The following RBPMS variants were observed in gnomAD, a reference collection of about 807,000 sequenced individuals.
The protein encoded by RBPMS is RNA binding protein, mRNA processing factor.
In RBPMS, 7 loss-of-function variants were observed where a neutral mutation model predicts 26.8. The observed-to-expected ratio is 0.26, with a 90% CI of 0.15 to 0.49. RBPMS has a LOEUF of 0.49. Ranked by LOEUF, RBPMS falls within the 20% of genes least tolerant of loss-of-function variation. RBPMS has a pLI of 0.98. For missense variants in RBPMS, 186 were observed against 250.0 expected, an observed-to-expected ratio of 0.74 and a Z score of 1.73; for synonymous variants, 96 against 93.3, an observed-to-expected ratio of 1.03 and a Z score of -0.17.
intron 7 of RBPMS, chr8:30,561,889 C>T: frequency 2.0e-6 from 2 of 985,276 alleles, no homozygotes; most frequent in Non-Finnish European, 2.4e-6. Flanking sequence ...TGACAGAGAT[C>T]CTGGGTTTCA....
At chr8:30,455,557 G>A (rs554795874) in intron 1 of RBPMS, among the ~76,000 whole-genome samples, 48 of 152,284 alleles carry the variant, frequency 3.2e-4, no homozygotes, top group Non-Finnish European at 6.3e-4. Flanking sequence ...GCTTCTAAGA[G>A]TAGAAGAGAG....
At chr8:30,511,027 C>T (rs917390307) in intron 5 of RBPMS, among the ~76,000 whole-genome samples, 3 of 151,992 alleles carry the variant, frequency 2.0e-5, no homozygotes, top group African/African-American at 7.2e-5. Flanking sequence ...TGAAAAAAAT[C>T]AAGGCCAGGC....
At chr8:30,556,542 T>A (rs1337860928) in intron 6 of RBPMS, 2 of 986,486 alleles carry the variant, frequency 2.0e-6, no homozygotes, top group East Asian at 2.3e-4. Context: ...CACCGTCACG[T>A]CTTGGCCTCG....
chr8:30,549,387 G>A (rs1304323582), intron 6 of RBPMS: 2 of 856,304 alleles, frequency 2.3e-6, no homozygotes, highest in Non-Finnish European at 4.0e-6. Flanking sequence ...CGACAGCTTT[G>A]AAGGACTGCA....
At chr8:30,415,817 A>G (rs1480442576) in intron 1 of RBPMS, among the ~76,000 whole-genome samples, 1 of 152,222 alleles carries the variant, frequency 6.6e-6, no homozygotes, top group Non-Finnish European at 1.5e-5. Flanking sequence ...ACTCCTTGGA[A>G]GAGTTATTCC....
intron 5 of RBPMS, among the ~76,000 whole-genome samples, chr8:30,518,294 G>C (rs2150976514): frequency 6.6e-6 from 1 of 152,334 alleles, no homozygotes; most frequent in Non-Finnish European, 1.5e-5. Context: ...GCTGAAATAA[G>C]TGTGTTGGCT....
intron 1 of RBPMS, among the ~76,000 whole-genome samples, chr8:30,447,403 C>T (rs1371472518): frequency 1.3e-5 from 2 of 152,208 alleles, no homozygotes; most frequent in South Asian, 2.1e-4. Flanking sequence ...AGGAAGTTAG[C>T]GGTTAGAATA....
intron 1 of RBPMS, among the ~76,000 whole-genome samples, chr8:30,420,775 G>C (rs1810680856): frequency 6.6e-6 from 1 of 152,208 alleles, no homozygotes; most frequent in Non-Finnish European, 1.5e-5. Context: ...AGGAAAATCT[G>C]TCAAGCCTTC....
chr8:30,501,179 T>G (rs565022243), intron 4 of RBPMS, among the ~76,000 whole-genome samples: 1 of 152,162 alleles, frequency 6.6e-6, no homozygotes, highest in East Asian at 1.9e-4. Context: ...ATGGCTTAGC[T>G]GAGCACACAC....
chr8:30,544,732 C>A (rs1352904367), intron 6 of RBPMS, 108 bp downstream of exon 6: 8 of 1,601,394 alleles, frequency 5.0e-6, no homozygotes, highest in Non-Finnish European at 6.8e-6. Context: ...CTAACAGATC[C>A]ACCCTCAAGA....
chr8:30,386,766 TTC>T (rs1206940521), intron 1 of RBPMS, among the ~76,000 whole-genome samples: 2 of 152,216 alleles, frequency 1.3e-5, no homozygotes, highest in African/African-American at 2.4e-5. Context: ...TCAGAAATCT[TTC>T]TGTTTCAGCT....
intron 6 of RBPMS, chr8:30,553,726 T>G (rs776499201): frequency 1.3e-5 from 2 of 152,230 alleles, no homozygotes; most frequent in Non-Finnish European, 2.9e-5. Context: ...TAGTTTGAGA[T>G]AACATTCTTG....
At chr8:30,548,886 T>C (rs770280572) in intron 6 of RBPMS, among the ~76,000 whole-genome samples, 22 of 152,206 alleles carry the variant, frequency 1.4e-4, no homozygotes, top group Non-Finnish European at 2.5e-4. Flanking sequence ...AGGAAATAAC[T>C]GAGAAAAAAG....
chr8:30,443,521 G>A (rs1462779395), intron 1 of RBPMS, among the ~76,000 whole-genome samples: 2 of 152,118 alleles, frequency 1.3e-5, no homozygotes, highest in Non-Finnish European at 2.9e-5. Context: ...GGGGAATTGG[G>A]TAGATACAGG....
At chr8:30,390,763 G>A (rs905740229) in intron 1 of RBPMS, among the ~76,000 whole-genome samples, 3 of 151,992 alleles carry the variant, frequency 2.0e-5, no homozygotes, top group Admixed American at 2.0e-4. Context: ...TATTTATTTT[G>A]TATGGGTCTA....
At chr8:30,545,137 T>C (rs566941250) in intron 6 of RBPMS, 4 of 1,316,936 alleles carry the variant, frequency 3.0e-6, no homozygotes, top group African/African-American at 1.5e-5. Flanking sequence ...ACAGGAAAGA[T>C]TAAGGGTTCC....
intron 6 of RBPMS, chr8:30,556,266 A>G (rs2151077683): frequency 1.0e-6 from 1 of 985,266 alleles, no homozygotes; most frequent in East Asian, 1.1e-4. Flanking sequence ...CCTCCCCTGG[A>G]CCCCACAGCT....
intron 1 of RBPMS, among the ~76,000 whole-genome samples, chr8:30,443,399 C>G (rs6996887): frequency 6.6e-6 from 1 of 152,074 alleles, no homozygotes; most frequent in African/African-American, 2.4e-5. Flanking sequence ...AGGCTTTGAA[C>G]TGCTTGAGTT....
intron 6 of RBPMS, chr8:30,544,852 C>G: frequency 1.3e-6 from 2 of 1,519,358 alleles, no homozygotes; most frequent in Admixed American, 2.0e-5. Context: ...TGACACCTCT[C>G]TCTTCCTTAA....
Sources: allele counts gnomAD v4.1 joint callset (sites outside exome capture counted in the v4.1 genomes callset), GRCh38; gene constraint gnomAD v4.1.1; transcripts MANE v1.5; gene names NCBI Gene and HGNC (gene_info 2026-07-23, HGNC 2026-07-21).